Variants in SPAG16 observed in about 807,000 individuals in gnomAD.
SPAG16 encodes the protein sperm-associated antigen 16 protein.
Under a neutral mutation model 80.4 loss-of-function variants are expected in SPAG16, and 86 were observed. That is an observed-to-expected ratio of 1.07 (90% CI 0.90 to 1.28). The LOEUF is 1.28. Among genes scored for constraint, SPAG16 ranks in the 50% most tolerant of loss-of-function variants. The probability of loss-of-function intolerance (pLI) is 0.00; values close to 1 mark genes in which losing one functional copy is unlikely to be tolerated. For synonymous variants in SPAG16, 294 were observed against 265.9 expected, an observed-to-expected ratio of 1.11 and a Z score of -1.03; for missense variants, 870 against 765.3, an observed-to-expected ratio of 1.14 and a Z score of -1.61.
chr2:214,006,596 A>G (rs959113971), intron 12 of SPAG16, among the ~76,000 whole-genome samples: 2 of 152,252 alleles, frequency 1.3e-5, no homozygotes, highest in Admixed American at 6.5e-5. Context: ...GAAAAAAAAG[A>G]TAAGAAACAG....
intron 10 of SPAG16, among the ~76,000 whole-genome samples, chr2:213,573,083 G>A (rs1209508059): frequency 2.0e-5 from 3 of 152,096 alleles, no homozygotes; most frequent in Admixed American, 6.6e-5. Context: ...GCAATGCCTC[G>A]CCCTGCTTTG....
chr2:213,340,354 A>G, intron 6 of SPAG16, 84 bp downstream of exon 6: 1 of 967,288 alleles, frequency 1.0e-6, no homozygotes. Context: ...TTTTAGACAA[A>G]GTTATTAATT....
rs564099781 is a variant in SPAG16, at chr2:214,095,308, C to T, written c.1528-12888C>T. ...CAGAGAAAGCAGACACACACAGAAACCCCCCCAGAAACCTTTTCTCCAGTT... is the reference window on the plus strand; with the variant it reads ...CAGAGAAAGCAGACACACACAGAAATCCCCCCAGAAACCTTTTCTCCAGTT... On this transcript the variant is annotated intron_variant, in intron 13 of 15. Coordinates refer to ENST00000331683, the MANE Select transcript of SPAG16 (RefSeq NM_024532.5). 1.8e-4 allele frequency among the ~76,000 whole-genome samples: 28 copies of T among 151,912 alleles called. No individual in the cohort carries two copies. The East Asian group carries it at 5.4e-3, about 30-fold the overall frequency.
chr2:213,787,479 A>G (rs1411719831), intron 10 of SPAG16, among the ~76,000 whole-genome samples: 1 of 152,152 alleles, frequency 6.6e-6, no homozygotes, highest in Admixed American at 6.5e-5. Context: ...TAATATAGCT[A>G]CAATACCAAA....
At chr2:214,351,715 C>A (rs1468295893) in intron 15 of SPAG16, among the ~76,000 whole-genome samples, 52 of 146,688 alleles carry the variant, frequency 3.5e-4, no homozygotes, top group Non-Finnish European at 5.0e-4. Flanking sequence ...AACAAACAAA[C>A]AAACAAAAAA....
intron 15 of SPAG16, among the ~76,000 whole-genome samples, chr2:214,267,672 C>G: frequency 6.6e-6 from 1 of 151,642 alleles, no homozygotes; most frequent in East Asian, 1.9e-4. Flanking sequence ...AAAGATATCC[C>G]ACAAATAAAT....
chr2:213,445,983 G>T (rs2071285812), intron 9 of SPAG16, among the ~76,000 whole-genome samples: 1 of 152,172 alleles, frequency 6.6e-6, no homozygotes, highest in South Asian at 2.1e-4. Context: ...GGAGTGCTCA[G>T]CTGAGGCTTG....
chr2:214,172,308 A>G (rs1212190682), intron 15 of SPAG16, among the ~76,000 whole-genome samples: 1 of 151,622 alleles, frequency 6.6e-6, no homozygotes, highest in Non-Finnish European at 1.5e-5. Context: ...ATGTGTTCTC[A>G]TTGTTCAATT....
intron 10 of SPAG16, among the ~76,000 whole-genome samples, chr2:213,763,889 G>A (rs942827247): frequency 6.6e-6 from 1 of 152,198 alleles, no homozygotes; most frequent in Non-Finnish European, 1.5e-5. Context: ...AATAAACTTT[G>A]AAGCAGCAGC....
chr2:213,462,945 G>C (rs1044483555), intron 9 of SPAG16, among the ~76,000 whole-genome samples: 4 of 152,196 alleles, frequency 2.6e-5, no homozygotes, highest in African/African-American at 9.6e-5. Flanking sequence ...AAACAGTTTG[G>C]AGGGCTCAGA....
chr2:213,424,820 C>T lies in SPAG16; in HGVS notation c.942+49701C>T, dbSNP rs568968609. ...TCTTTTTCAGGAGTCTTGTTCTTCTCCTAGGCTCTGGGCTTAGGAATAAAA... is the reference window on the plus strand; with the variant it reads ...TCTTTTTCAGGAGTCTTGTTCTTCTTCTAGGCTCTGGGCTTAGGAATAAAA... On this transcript the variant is annotated intron_variant, in intron 9 of 15. Transcript: ENST00000331683. Among the ~76,000 whole-genome samples, 68 of 152,266 alleles carry T rather than the reference C, an allele frequency of 4.5e-4. 1 individual carries two copies. Among genetic ancestry groups the T allele is most frequent in the Admixed American group, 3.4e-3 (52 of 15,286 alleles).
chr2:213,670,511 T>G (rs1471136669), intron 10 of SPAG16, among the ~76,000 whole-genome samples: 1 of 152,102 alleles, frequency 6.6e-6, no homozygotes, highest in African/African-American at 2.4e-5. Flanking sequence ...ATTTGTGATT[T>G]TTTTTTTCCT....
chr2:213,414,372 A>G (rs1365360515), intron 9 of SPAG16, among the ~76,000 whole-genome samples: 1 of 152,096 alleles, frequency 6.6e-6, no homozygotes, highest in African/African-American at 2.4e-5. Context: ...TTAGTTCCTT[A>G]ATTAATTAGA....
At chr2:213,733,592 G>A (rs1232629489) in intron 10 of SPAG16, among the ~76,000 whole-genome samples, 2 of 148,746 alleles carry the variant, frequency 1.3e-5, no homozygotes, top group Non-Finnish European at 1.5e-5. Flanking sequence ...GCCTCCCCAA[G>A]ACTATGGCCT....
At chr2:213,369,379 G>A (rs2066507684) in intron 8 of SPAG16, among the ~76,000 whole-genome samples, 2 of 152,050 alleles carry the variant, frequency 1.3e-5, no homozygotes, top group South Asian at 4.1e-4. Context: ...TAAAATTATG[G>A]TGTCATAAGG....
intron 11 of SPAG16, among the ~76,000 whole-genome samples, chr2:213,927,983 A>G (rs765268338): frequency 2.6e-5 from 4 of 152,242 alleles, no homozygotes; most frequent in Non-Finnish European, 5.9e-5. Flanking sequence ...ACATATGTGC[A>G]AACCAACTAT....
intron 1 of SPAG16, among the ~76,000 whole-genome samples, chr2:213,287,357 T>C (rs1309646733): frequency 6.6e-6 from 1 of 152,216 alleles, no homozygotes. Flanking sequence ...TGCCTATTAA[T>C]GTATGGCTGC....
chr2:213,605,584 G>C (rs1183508792), intron 10 of SPAG16, among the ~76,000 whole-genome samples: 1 of 152,062 alleles, frequency 6.6e-6, no homozygotes, highest in Non-Finnish European at 1.5e-5. Flanking sequence ...CCACCTCCTG[G>C]GTTCAAGCGA....
At chr2:213,383,629 C>A (rs1444698442) in intron 9 of SPAG16, among the ~76,000 whole-genome samples, 1 of 152,168 alleles carries the variant, frequency 6.6e-6, no homozygotes, top group East Asian at 1.9e-4. Context: ...ATTCTCCTGG[C>A]ATTCCAAACT....
Sources: allele counts gnomAD v4.1 joint callset (sites outside exome capture counted in the v4.1 genomes callset), GRCh38; gene constraint gnomAD v4.1.1; transcripts MANE v1.5; gene names NCBI Gene and HGNC (gene_info 2026-07-23, HGNC 2026-07-21).